The following NF1 variants were observed in gnomAD, a reference collection of about 807,000 sequenced individuals.
The protein encoded by NF1 is neurofibromin 1, also known as neurofibromin.
Under a neutral mutation model 325.7 loss-of-function variants are expected in NF1, and 122 were observed. That is an observed-to-expected ratio of 0.37 (90% CI 0.32 to 0.44). The LOEUF is 0.44. NF1 is among the 20% of genes least tolerant of loss of function. The pLI, the probability that NF1 is intolerant of heterozygous loss-of-function variation, is 1.00. For missense variants in NF1, 2,140 were observed against 3,415.4 expected (o/e 0.63, Z 9.31); for synonymous variants, 1,091 against 1,186.0 (o/e 0.92, Z 1.65).
chr17:31,354,556 A>T (rs2070226826), intron 51 of NF1, among the ~76,000 whole-genome samples: 1 of 152,174 alleles, frequency 6.6e-6, no homozygotes, highest in South Asian at 2.1e-4. Flanking sequence ...CCAAATTTTA[A>T]TTTTTGCCAA....
intron 29 of NF1, among the ~76,000 whole-genome samples, chr17:31,244,394 G>A (rs2067355563): frequency 1.3e-5 from 2 of 152,004 alleles, no homozygotes; most frequent in African/African-American, 4.8e-5. Flanking sequence ...CCCAGAAACT[G>A]CAGTCCTTGT....
chr17:31,269,670 C>T (rs1264319909), intron 36 of NF1, among the ~76,000 whole-genome samples: 2 of 152,190 alleles, frequency 1.3e-5, no homozygotes, highest in Non-Finnish European at 1.5e-5. Flanking sequence ...ACTCTACTTT[C>T]TTTGTGTCGG....
At chr17:31,158,988 T>C (rs1350759796) in intron 2 of NF1, 22 bp from the exon 3 acceptor site, 1 of 1,440,010 alleles carries the variant, frequency 6.9e-7, no homozygotes. Context: ...AACTTTTATG[T>C]TCTGAATATC....
chr17:31,153,859 C>CA (rs1917120648), intron 1 of NF1, among the ~76,000 whole-genome samples: 1 of 151,644 alleles, frequency 6.6e-6, no homozygotes, highest in Non-Finnish European at 1.5e-5. Context: ...AGCAGTCCTC[C>CA]TGCCTCAGCC....
In NF1 at chr17:31,123,642, T is replaced by A. The variant is rs73271680; in HGVS notation, c.60+28273T>A. Among the ~76,000 whole-genome samples, 1,186 of 152,332 alleles carry A rather than the reference T, an allele frequency of 7.8e-3. 19 individuals are homozygous for A. The highest frequency in any genetic ancestry group is 0.027 in the African/African-American group (1,136 of 41,576). On this transcript the variant is annotated intron_variant, in intron 1 of 57. Transcript: ENST00000358273. ...AATTAATTTTTGCAAGTGAAGATAG[T>A]TGAAATGTTAGCTAAAATGATGACC... is the stretch of plus-strand genomic sequence containing the variant.
At chr17:31,130,540 G>A (rs1915284514) in intron 1 of NF1, among the ~76,000 whole-genome samples, 1 of 150,626 alleles carries the variant, frequency 6.6e-6, no homozygotes, top group Admixed American at 6.7e-5. Flanking sequence ...GACTGGGTGT[G>A]CCCTCTGTGC....
intron 1 of NF1, among the ~76,000 whole-genome samples, chr17:31,101,979 A>T (rs1267853895): frequency 6.6e-6 from 1 of 152,186 alleles, no homozygotes; most frequent in East Asian, 1.9e-4. Flanking sequence ...CAGAACATTG[A>T]TGGAATGTTT....
chr17:31,296,552 C>G, intron 36 of NF1: 2 of 550,938 alleles, frequency 3.6e-6, no homozygotes, highest in Non-Finnish European at 6.5e-6. Context: ...AGACTCTCTC[C>G]CTACTCTCTC....
At position 31,376,806 on chromosome 17, in the gene NF1, T is replaced by C; in HGVS notation, c.*2651T>C. The C allele has an allele frequency of 4.3e-6, 1 of 233,248 alleles. No individual in the cohort carries two copies. Among genetic ancestry groups the C allele is most frequent in the Non-Finnish European group, 8.5e-6 (1 of 117,980 alleles). 14.4% of individuals were successfully genotyped at this position (233,248 alleles called of 1,614,324 possible). On this transcript the variant is annotated 3_prime_UTR_variant, in exon 58 of 58. Transcript: ENST00000358273. ...GTTTTTGTCCTGGATAATCTACCTG[T>C]TATGCCAGTACTCCCATCCGAGGGG...
intron 1 of NF1, chr17:31,095,581 T>G: frequency 7.7e-5 from 36 of 465,210 alleles, no homozygotes; most frequent in Non-Finnish European, 1.2e-4. Flanking sequence ...GGGCACCCTT[T>G]CCCTCCTAAG....
intron 13 of NF1, among the ~76,000 whole-genome samples, chr17:31,218,340 A>T (rs2066859048): frequency 6.6e-6 from 1 of 152,190 alleles, no homozygotes; most frequent in Non-Finnish European, 1.5e-5. Context: ...CCTGGACATT[A>T]TTCACATTAA....
Position 31,295,983 on chromosome 17 carries a change from A to C in NF1, c.4836-29837A>C, listed in dbSNP as rs201476857. 1.8e-5 allele frequency: 29 copies of C among 1,614,134 alleles called. No homozygotes were observed. In the East Asian group the frequency reaches 6.2e-4, roughly 35 times the overall value. On this transcript the variant is annotated intron_variant, in intron 36 of 57. Coordinates refer to ENST00000358273, the MANE Select transcript of NF1 (RefSeq NM_001042492.3). ...AGATTCCACTGATAAGCAGTATCAG[A>C]TTTGTCAAGAAGTTTAATGTTGTTG... is the stretch of plus-strand genomic sequence containing the variant.
intron 50 of NF1, among the ~76,000 whole-genome samples, chr17:31,350,521 G>C (rs1050791690): frequency 2.0e-5 from 3 of 152,262 alleles, no homozygotes; most frequent in African/African-American, 7.2e-5. Context: ...GTCTGATTGT[G>C]CTAATGTTAA....
intron 1 of NF1, among the ~76,000 whole-genome samples, chr17:31,119,448 C>T (rs1248133896): frequency 6.7e-6 from 1 of 149,606 alleles, no homozygotes; most frequent in Non-Finnish European, 1.5e-5. Flanking sequence ...ATCCTTCGTC[C>T]ACTTTTTGAT....
intron 36 of NF1, among the ~76,000 whole-genome samples, chr17:31,277,475 A>G (rs943207098): frequency 6.6e-6 from 1 of 152,160 alleles, no homozygotes; most frequent in East Asian, 1.9e-4. Flanking sequence ...TGTGACAGAA[A>G]TTAGTTCGTG....
At position 31,376,641 on chromosome 17, in the gene NF1, A is replaced by C. The variant is rs1249689178; in HGVS notation, c.*2486A>C. On this transcript the variant is annotated 3_prime_UTR_variant, in exon 58 of 58. Coordinates refer to ENST00000358273, the MANE Select transcript of NF1 (RefSeq NM_001042492.3). Reference sequence around the variant, plus strand: ...TTAGTCTTCATACTTGTAATCTATAAAAGAAATTCTGAAGTTTAGACCAAG... The same window carrying C: ...TTAGTCTTCATACTTGTAATCTATACAAGAAATTCTGAAGTTTAGACCAAG... 4 of 233,104 alleles carry C rather than the reference A, an allele frequency of 1.7e-5. No homozygotes were observed. The East Asian group carries it at 2.4e-4, about 14-fold the overall frequency. 14.4% of individuals were successfully genotyped at this position (233,104 alleles called of 1,614,324 possible).
chr17:31,202,818 CT>C (rs1567836644), intron 11 of NF1, among the ~76,000 whole-genome samples: 3 of 152,246 alleles, frequency 2.0e-5, no homozygotes, highest in Middle Eastern at 6.8e-3. Flanking sequence ...AATCACTGTA[CT>C]TTTGTCAGCG....
In NF1 at chr17:31,258,196, T is replaced by G. The variant is rs1597744249; in HGVS notation, c.4174-148T>G. The G allele has an allele frequency of 2.3e-5, 18 of 792,076 alleles. 1 individual carries two copies. The South Asian group carries it at 2.9e-4, about 13-fold the overall frequency. 49.1% of individuals were successfully genotyped at this position (792,076 alleles called of 1,614,324 possible). On this transcript the variant is annotated intron_variant, in intron 31 of 57. Coordinates refer to ENST00000358273, the MANE Select transcript of NF1 (RefSeq NM_001042492.3). ...GAGAGGAAACTTTATTTTCTCATGT[T>G]TTGGGAGAAGAAAAAAATAGAAATA...
At chr17:31,295,235 C>G in intron 36 of NF1, 1 of 1,613,962 alleles carries the variant, frequency 6.2e-7, no homozygotes. Flanking sequence ...GCTAGTGAGG[C>G]TTGTGTTTGT....
Sources: gnomAD v4.1 joint callset for allele counts (sites outside exome capture counted in the v4.1 genomes callset) on GRCh38, gnomAD v4.1.1 for gene constraint, MANE v1.5 for transcripts, NCBI Gene and HGNC (gene_info 2026-07-23, HGNC 2026-07-21) for gene names.